The following KMT2B variants were observed in gnomAD, a reference collection of about 807,000 sequenced individuals.
KMT2B encodes the protein lysine methyltransferase 2B.
KMT2B carries 22 observed loss-of-function variants against 255.3 expected under a neutral mutation model. The ratio of observed to expected loss-of-function variants is 0.09; its 90% confidence interval spans 0.06 to 0.12. The LOEUF (loss-of-function observed/expected upper bound fraction) is 0.12, where lower values mean the gene tolerates loss of function less well. Among genes scored for constraint, KMT2B ranks in the 10% least tolerant of loss-of-function variants. KMT2B has a pLI of 1.00. For synonymous variants in KMT2B, 1,730 were observed against 1,498.1 expected (o/e 1.15, Z -3.57); for missense variants, 3,149 against 3,737.0 (o/e 0.84, Z 4.10).
At position 35,725,474 on chromosome 19, in the gene KMT2B, C is replaced by T. The variant is rs780619111; in HGVS notation, c.3643-5C>T. 26 of 1,610,260 alleles carry T rather than the reference C, an allele frequency of 1.6e-5. No individual in the cohort carries two copies. Among genetic ancestry groups the T allele is most frequent in the Non-Finnish European group, 2.5e-6 (3 of 1,179,882 alleles). ...CCATCATTCACTCCTTTACCCTGTCCCCAGCTGGTGTTCTGTCAAGTCTGC... is the reference window on the plus strand; with the variant it reads ...CCATCATTCACTCCTTTACCCTGTCTCCAGCTGGTGTTCTGTCAAGTCTGC... On this transcript the variant is annotated splice_polypyrimidine_tract_variant and splice_region_variant and intron_variant, in intron 11 of 36. Coordinates refer to ENST00000420124, the MANE Select transcript of KMT2B (RefSeq NM_014727.3). The surrounding 1 kb of genome is among the most constrained non-coding windows in gnomAD (Gnocchi z 4.1).
In KMT2B at chr19:35,726,255, G is replaced by T. The variant is rs771289674; in HGVS notation, c.3905G>T (p.Arg1302Leu). 1 of 1,613,588 alleles carries T rather than the reference G, an allele frequency of 6.2e-7. No homozygotes were observed. The highest frequency in any genetic ancestry group is 2.2e-5 in the East Asian group (1 of 44,884). ...CCCCAGATCTGTTCAGCCTGTGTGC[G>T]CTGTAAGAGCTGTGGGGCAACTCCA... ...RRHWICSACV[R>L]CKSCGATPGK... The change falls in exon 14 of 37, where the codon CGC (arginine) becomes CTC (leucine). Residue 1302 changes from arginine (R) to leucine (L), a missense_variant. Transcript: ENST00000420124.
In KMT2B at chr19:35,718,807, C is replaced by T. The variant is rs1030106774; in HGVS notation, c.363+426C>T. 3.9e-5 allele frequency among the ~76,000 whole-genome samples: 6 copies of T among 152,312 alleles called. No individual in the cohort carries two copies. The highest frequency in any genetic ancestry group is 2.0e-4 in the Admixed American group (3 of 15,300). On this transcript the variant is annotated intron_variant, in intron 1 of 36. Coordinates refer to ENST00000420124, the MANE Select transcript of KMT2B (RefSeq NM_014727.3). This position sits in a 1 kb window ranked among gnomAD's most constrained non-coding sequence, Gnocchi z 5.0. ...GGGCCTCGCAACCTCCTGGTTTCTC[C>T]AGGGCCCCAGTTTCTCTTGGCATCT...
At chr19:35,730,901 C>T (rs534300050) in intron 26 of KMT2B, 34 bp downstream of exon 26, 40 of 1,551,912 alleles carry the variant, frequency 2.6e-5, no homozygotes, top group Admixed American at 1.2e-4. Flanking sequence ...TCCTGAATAC[C>T]GCTCTCCCTA....
chr19:35,734,074 C>T (rs923693480), intron 30 of KMT2B, among the ~76,000 whole-genome samples: 39 of 152,132 alleles, frequency 2.6e-4, no homozygotes, highest in South Asian at 2.1e-4. Context: ...TTCGCCTCTA[C>T]GTGGGATCCT....
chr19:35,726,476 C>A, intron 14 of KMT2B, 123 bp downstream of exon 14: 1 of 693,098 alleles, frequency 1.4e-6, no homozygotes. Context: ...GGGACTATCT[C>A]TTCAACTCAG....
At position 35,729,003 on chromosome 19, in the gene KMT2B, C is replaced by T. The variant is rs761847081; in HGVS notation, c.4706C>T (p.Pro1569Leu). The change falls in exon 21 of 37, where the codon CCG becomes CTG. Residue 1569 changes from proline to leucine, a missense_variant. This residue lies in a region of KMT2B where 377 missense variants were observed against 471.0 expected (regional missense o/e 0.80). Coordinates refer to ENST00000420124, the MANE Select transcript of KMT2B (RefSeq NM_014727.3). ...DPSAAFQGKD[P>L]AAFSHLEDPR... is the part of the protein sequence containing the mutation. Reference sequence around the variant, plus strand: ...TCTTCAGCATTCCAGGGCAAGGATCCGGCTGCCTTCTCACACCTGGAGGAC... The same window carrying T: ...TCTTCAGCATTCCAGGGCAAGGATCTGGCTGCCTTCTCACACCTGGAGGAC... 46 of 1,613,986 alleles carry T rather than the reference C, an allele frequency of 2.9e-5. No homozygotes were observed. The highest frequency in any genetic ancestry group is 3.8e-5 in the Non-Finnish European group (45 of 1,179,888).
Position 35,720,861 on chromosome 19 carries a change from G to A in KMT2B, c.1514G>A (p.Gly505Asp). ...CCAACCCCCAGCACCGCCACGGGAG[G>A]CCCTCCGGAAGACAGTCCCACCGTG... ...PTPTPSTATG[G>D]PPEDSPTVAP... The change falls in exon 3 of 37, where the codon GGC becomes GAC. Residue 505 changes from glycine (G) to aspartate (D), a missense_variant. Physicochemically the swap from Gly to Asp is moderately conservative, Grantham distance 94 (BLOSUM62 -1). Transcript: ENST00000420124. The A allele has an allele frequency of 6.3e-7, 1 of 1,582,698 alleles. No homozygotes were observed. The highest frequency in any genetic ancestry group is 8.6e-7 in the Non-Finnish European group (1 of 1,164,762).
intron 26 of KMT2B, among the ~76,000 whole-genome samples, chr19:35,731,101 C>G (rs948560860): frequency 2.6e-5 from 4 of 152,170 alleles, no homozygotes; most frequent in African/African-American, 7.2e-5. Flanking sequence ...GGGGTACTGG[C>G]TTTTGGACGA....
rs375544683 is a variant in KMT2B at position 35,719,841 on chromosome 19, G to A, written c.494G>A (p.Arg165His). The A allele has an allele frequency of 2.0e-5, 32 of 1,612,148 alleles. No individual in the cohort carries two copies. Among genetic ancestry groups the A allele is most frequent in the African/African-American group, 2.7e-5 (2 of 74,776 alleles). Residue 165 changes from arginine to histidine, a missense_variant, in exon 3 of 37, where the codon CGC becomes CAC. Transcript: ENST00000420124. Reference protein sequence around the residue: ...KHKTTPLPPPRLADVAPTPPK... With the variant: ...KHKTTPLPPPHLADVAPTPPK... ...AAGACGACCCCCCTTCCTCCTCCTC[G>A]CCTAGCAGATGTGGCTCCTACCCCC...
Position 35,729,242 on chromosome 19 carries a change from G to A in KMT2B, c.4863G>A (p.Glu1621=), listed in dbSNP as rs1969589764. The change falls in exon 22 of 37, where the codon GAG becomes GAA. Residue 1621 remains glutamate (E), a synonymous_variant. Coordinates refer to ENST00000420124, the MANE Select transcript of KMT2B (RefSeq NM_014727.3). ...CAIWSAEVFE[E]NDGSLKNVHA... ...TCTGGTCGGCGGAAGTCTTCGAGGA[G>A]AACGACGGCTCCCTCAAGAATGTGC... 4.4e-6 allele frequency: 7 copies of A among 1,607,012 alleles called. No homozygotes were observed. Among genetic ancestry groups the A allele is most frequent in the Non-Finnish European group, 5.9e-6 (7 of 1,176,752 alleles).
intron 30 of KMT2B, among the ~76,000 whole-genome samples, chr19:35,734,135 G>C (rs1969831207): frequency 6.6e-6 from 1 of 152,158 alleles, no homozygotes; most frequent in Non-Finnish European, 1.5e-5. Flanking sequence ...GGGCCTCAGA[G>C]CCTAGCCTGC....
chr19:35,733,190 C>T lies in KMT2B; in HGVS notation c.6641C>T (p.Pro2214Leu). 1.4e-5 allele frequency: 22 copies of T among 1,540,552 alleles called. No homozygotes were observed. Among genetic ancestry groups the T allele is most frequent in the Non-Finnish European group, 1.9e-5 (22 of 1,134,440 alleles). ...MAGEGEPVPP[P>L]VKQPPLPPTI... The stretch of plus-strand genomic sequence containing the variant: ...GGGGAGGGTGAACCTGTCCCACCCC[C>T]AGTGAAGCAGCCACCTTTGCCCCCC... The change falls in exon 28 of 37, where the codon CCA (proline) becomes CTA (leucine). Residue 2214 changes from proline (P) to leucine (L), a missense_variant. Around this residue, in one of 18 missense-constraint regions of KMT2B, gnomAD observed 897 missense variants for 825.3 expected, o/e 1.09. Transcript: ENST00000420124. This position sits in a 1 kb window ranked among gnomAD's most constrained non-coding sequence, Gnocchi z 4.3.
chr19:35,738,676 G>C lies in KMT2B; in HGVS notation c.*119G>C. On this transcript the variant is annotated 3_prime_UTR_variant, in exon 37 of 37. Coordinates refer to ENST00000420124, the MANE Select transcript of KMT2B (RefSeq NM_014727.3). The surrounding 1 kb of genome is among the most constrained non-coding windows in gnomAD (Gnocchi z 8.7). ...ATCTCACCCCCACCCTCATGTTCAG[G>C]GTGGATGTGGGCATGCAGGTGACAA... The C allele has an allele frequency of 1.7e-6, 2 of 1,155,850 alleles. No individual in the cohort carries two copies. The highest frequency in any genetic ancestry group is 2.4e-6 in the Non-Finnish European group (2 of 833,486). The allele number at this position is 1,155,850 out of a possible 1,614,324, so 71.6% of individuals were successfully genotyped here.
Position 35,719,996 on chromosome 19 carries a change from C to A in KMT2B, c.649C>A (p.Arg217=). ...RSRACEPSTP[R]RSRGRPPGRP... ...CCGGGCATGTGAGCCCTCCACCCCC[C>A]GGCGGTCTCGGGGACGGCCCCCAGG... Residue 217 remains arginine (R), a synonymous_variant, in exon 3 of 37, where the codon CGG becomes AGG. Coordinates refer to ENST00000420124, the MANE Select transcript of KMT2B (RefSeq NM_014727.3). The A allele has an allele frequency of 6.2e-7, 1 of 1,613,080 alleles. No homozygotes were observed. Among genetic ancestry groups the A allele is most frequent in the Non-Finnish European group, 8.5e-7 (1 of 1,179,682 alleles).
chr19:35,720,817 G>A lies in KMT2B; in HGVS notation c.1470G>A (p.Glu490=). Residue 490 remains glutamate, a synonymous_variant, in exon 3 of 37, where the codon GAG becomes GAA. Coordinates refer to ENST00000420124, the MANE Select transcript of KMT2B (RefSeq NM_014727.3). ...AEREAARAGP[E]GTSPPTPTPS... ...GGGAAGCTGCTCGGGCAGGGCCAGA[G>A]GGCACCTCTCCTCCCACTCCAACCC... The A allele has an allele frequency of 1.3e-6, 2 of 1,531,366 alleles. No individual in the cohort carries two copies. The highest frequency in any genetic ancestry group is 1.8e-6 in the Non-Finnish European group (2 of 1,136,106). The allele number at this position is 1,531,366 out of a possible 1,614,324, so 94.9% of individuals were successfully genotyped here. A position where few individuals can be genotyped will look rare whatever the true frequency, so the allele number is the denominator to read the frequency against.
Position 35,733,310 on chromosome 19 carries a change from CCCCG to C in KMT2B, c.6764_6767del (p.Pro2255HisfsTer5). ...GTCGGAGTGGTCCGCCCTGCCCCGC[CCCCG>C]CCACCCCCTCCCCTGACGCTGGTGC... On this transcript the variant is annotated frameshift_variant, in exon 28 of 37. Coordinates refer to ENST00000420124, the MANE Select transcript of KMT2B (RefSeq NM_014727.3). LOFTEE classifies it high-confidence loss of function. This position sits in a 1 kb window ranked among gnomAD's most constrained non-coding sequence, Gnocchi z 4.3. 7.0e-7 allele frequency: 1 copy of C among 1,426,636 alleles called. No individual in the cohort carries two copies. Among genetic ancestry groups the C allele is most frequent in the East Asian group, 2.5e-5 (1 of 40,164 alleles). 88.4% of individuals were successfully genotyped at this position (1,426,636 alleles called of 1,614,324 possible).
Position 35,724,745 on chromosome 19 carries a change from G to A in KMT2B, c.3429+14G>A, listed in dbSNP as rs779935230. The A allele has an allele frequency of 1.7e-5, 26 of 1,563,990 alleles. No individual in the cohort carries two copies. The highest frequency in any genetic ancestry group is 1.7e-4 in the Middle Eastern group (1 of 5,896). On this transcript the variant is annotated intron_variant, in intron 9 of 36. Coordinates refer to ENST00000420124, the MANE Select transcript of KMT2B (RefSeq NM_014727.3). Reference sequence around the variant, plus strand: ...CGCCTGGACAAGGTCAGCACGGCCCGCTCCGAGAGCCCCTTCCCTCCAGGA... The same window carrying A: ...CGCCTGGACAAGGTCAGCACGGCCCACTCCGAGAGCCCCTTCCCTCCAGGA...
chr19:35,731,548 G>T (rs891519801), intron 26 of KMT2B, among the ~76,000 whole-genome samples: 2 of 149,298 alleles, frequency 1.3e-5, no homozygotes, highest in East Asian at 3.9e-4. Flanking sequence ...GAGAGCCTCC[G>T]GGCCGGGGCG....
In KMT2B at chr19:35,725,813, C is replaced by T. The variant is rs768789952; in HGVS notation, c.3880C>T (p.His1294Tyr). The T allele has an allele frequency of 1.9e-6, 3 of 1,572,934 alleles. No homozygotes were observed. In the Admixed American group the frequency reaches 5.6e-5, roughly 30 times the overall value. Residue 1294 changes from histidine (H) to tyrosine (Y), a missense_variant, in exon 13 of 37, where the codon CAC becomes TAC. Coordinates refer to ENST00000420124, the MANE Select transcript of KMT2B (RefSeq NM_014727.3). This position sits in a 1 kb window ranked among gnomAD's most constrained non-coding sequence, Gnocchi z 4.1. ...YPTRATRKRR[H>Y]WICSACVRCK... ...AACCCGGGCCACGCGCAAACGGCGCCACTGGGTGAGAGATGAGGTTCACCC... is the reference window on the plus strand; with the variant it reads ...AACCCGGGCCACGCGCAAACGGCGCTACTGGGTGAGAGATGAGGTTCACCC...
Sources: allele counts gnomAD v4.1 joint callset (sites outside exome capture counted in the v4.1 genomes callset), GRCh38; gene constraint gnomAD v4.1.1; regional missense constraint gnomAD v4.1.1; non-coding constraint Gnocchi (gnomAD v3.1); transcripts MANE v1.5; gene names NCBI Gene and HGNC (gene_info 2026-07-23, HGNC 2026-07-21).